The following CSTF3 variants were observed in gnomAD, a reference collection of about 807,000 sequenced individuals.
The protein encoded by CSTF3 is CF-1 77 kDa subunit.
Under a neutral mutation model 105.8 loss-of-function variants are expected in CSTF3, and 29 were observed. The observed-to-expected ratio is 0.27, with a 90% CI of 0.20 to 0.37. The LOEUF (loss-of-function observed/expected upper bound fraction) is 0.37, where lower values mean the gene tolerates loss of function less well. CSTF3 is among the 10% of genes least tolerant of loss of function. The pLI, the probability that CSTF3 is intolerant of heterozygous loss-of-function variation, is 1.00. For synonymous variants in CSTF3, 252 were observed against 281.9 expected, an observed-to-expected ratio of 0.89 and a Z score of 1.06; for missense variants, 357 against 879.3, an observed-to-expected ratio of 0.41 and a Z score of 7.51.
chr11:33,095,819 C>CAAATAAATAAATAAAT (rs61377553), intron 15 of CSTF3, among the ~76,000 whole-genome samples: 186 of 146,136 alleles, frequency 1.3e-3, no homozygotes, highest in Non-Finnish European at 1.7e-3. Flanking sequence ...GACTCTGTCT[C>CAAATAAATAAATAAAT]AAATAAATAA....
intron 3 of CSTF3, among the ~76,000 whole-genome samples, chr11:33,134,004 A>G (rs1030689676): frequency 6.6e-6 from 1 of 152,240 alleles, no homozygotes; most frequent in African/African-American, 2.4e-5. Flanking sequence ...GTGTGTATGT[A>G]TAAGAATCTT....
At chr11:33,088,155 A>G (rs1042583688) in intron 17 of CSTF3, among the ~76,000 whole-genome samples, 1 of 152,200 alleles carries the variant, frequency 6.6e-6, no homozygotes, top group Non-Finnish European at 1.5e-5. Flanking sequence ...TCACAGATAC[A>G]TACATACCAT....
intron 3 of CSTF3, among the ~76,000 whole-genome samples, chr11:33,111,031 C>T (rs965830613): frequency 2.6e-5 from 4 of 152,110 alleles, no homozygotes; most frequent in African/African-American, 9.7e-5. Context: ...GAGTTCGAGA[C>T]CAGCCTGGCC....
chr11:33,154,134 A>C (rs1048026956), intron 1 of CSTF3, among the ~76,000 whole-genome samples: 23 of 152,208 alleles, frequency 1.5e-4, no homozygotes, highest in Admixed American at 7.9e-4. Context: ...TTTTATTGAC[A>C]TAAAAACCAC....
intron 1 of CSTF3, among the ~76,000 whole-genome samples, chr11:33,157,671 T>C (rs1849884741): frequency 6.6e-6 from 1 of 152,256 alleles, no homozygotes; most frequent in African/African-American, 2.4e-5. Context: ...AAATCACAAA[T>C]CTTAGCACCA....
chr11:33,157,841 T>C (rs1485531654), intron 1 of CSTF3, among the ~76,000 whole-genome samples: 3 of 152,212 alleles, frequency 2.0e-5, no homozygotes, highest in Non-Finnish European at 4.4e-5. Context: ...CCAAAGCAAA[T>C]CCATGATTCA....
chr11:33,097,297 T>C (rs1039891606), intron 13 of CSTF3, among the ~76,000 whole-genome samples: 1 of 152,220 alleles, frequency 6.6e-6, no homozygotes, highest in Non-Finnish European at 1.5e-5. Flanking sequence ...GTGACACTAC[T>C]AGAACATACT....
At chr11:33,110,376 A>G (rs1855367806) in intron 3 of CSTF3, among the ~76,000 whole-genome samples, 1 of 152,200 alleles carries the variant, frequency 6.6e-6, no homozygotes, top group Non-Finnish European at 1.5e-5. Flanking sequence ...GGGTAAAGAC[A>G]TTTGAGGGGT....
chr11:33,134,142 TG>T (rs1454739828), intron 3 of CSTF3, among the ~76,000 whole-genome samples: 1 of 152,218 alleles, frequency 6.6e-6, no homozygotes, highest in Non-Finnish European at 1.5e-5. Flanking sequence ...AAAATATATA[TG>T]GGAGTTCTTT....
chr11:33,115,769 T>C (rs1010043966), intron 3 of CSTF3, among the ~76,000 whole-genome samples: 2 of 152,196 alleles, frequency 1.3e-5, no homozygotes, highest in African/African-American at 4.8e-5. Flanking sequence ...GCAATTTGTA[T>C]TTTCATATTA....
intron 15 of CSTF3, among the ~76,000 whole-genome samples, chr11:33,095,819 C>CAAAAAAAAATAAAT (rs71034651): frequency 1.4e-5 from 2 of 146,042 alleles, no homozygotes; most frequent in Non-Finnish European, 3.0e-5. Flanking sequence ...GACTCTGTCT[C>CAAAAAAAAATAAAT]AAATAAATAA....
chr11:33,139,151 C>T (rs1855683965), intron 3 of CSTF3, among the ~76,000 whole-genome samples: 1 of 151,572 alleles, frequency 6.6e-6, no homozygotes, highest in Non-Finnish European at 1.5e-5. Flanking sequence ...AAGTTTAATA[C>T]TTTTTTCCTT....
chr11:33,139,343 C>T (rs1029837750), intron 3 of CSTF3, among the ~76,000 whole-genome samples: 1 of 151,838 alleles, frequency 6.6e-6, no homozygotes, highest in African/African-American at 2.4e-5. Flanking sequence ...TGAGTTACAA[C>T]AAATGTATTA....
At chr11:33,117,590 AAGG>A (rs1565009620) in intron 3 of CSTF3, among the ~76,000 whole-genome samples, 1 of 151,954 alleles carries the variant, frequency 6.6e-6, no homozygotes, top group Non-Finnish European at 1.5e-5. Flanking sequence ...ACTGAGGCAC[AAGG>A]AGATTTAATA....
At chr11:33,141,549 AAAGGT>A in intron 3 of CSTF3, 113 bp downstream of exon 3, 1 of 1,395,898 alleles carries the variant, frequency 7.2e-7, no homozygotes, top group Non-Finnish European at 9.3e-7. Context: ...TTTACAAAAT[AAAGGT>A]AAGACACATT....
intron 1 of CSTF3, among the ~76,000 whole-genome samples, chr11:33,144,460 C>T (rs1398206924): frequency 1.3e-5 from 2 of 152,012 alleles, no homozygotes; most frequent in African/African-American, 4.8e-5. Context: ...GAAAGAACAG[C>T]AAATGGAAAA....
At chr11:33,156,273 C>CA (rs1349362209) in intron 1 of CSTF3, among the ~76,000 whole-genome samples, 1 of 152,110 alleles carries the variant, frequency 6.6e-6, no homozygotes, top group Non-Finnish European at 1.5e-5. Context: ...TCCAAAAAAA[C>CA]ACATTGTCCA....
intron 1 of CSTF3, among the ~76,000 whole-genome samples, chr11:33,145,581 A>T (rs1855771614): frequency 6.6e-6 from 1 of 151,112 alleles, no homozygotes; most frequent in African/African-American, 2.4e-5. Flanking sequence ...GGGAGGCCAA[A>T]GCAGGCAGCT....
At chr11:33,141,802 G>T in intron 2 of CSTF3, 40 bp from the exon 3 acceptor site, 1 of 1,576,918 alleles carries the variant, frequency 6.3e-7, no homozygotes, top group Non-Finnish European at 8.6e-7. Flanking sequence ...ACAATGTTAG[G>T]ATTATGAAAA....
Sources: allele counts gnomAD v4.1 joint callset (sites outside exome capture counted in the v4.1 genomes callset), GRCh38; gene constraint gnomAD v4.1.1; transcripts MANE v1.5; gene names NCBI Gene and HGNC (gene_info 2026-07-23, HGNC 2026-07-21).